The following USP25 variants were observed in gnomAD, a reference collection of about 807,000 sequenced individuals.
USP25 encodes ubiquitin carboxyl-terminal hydrolase 25.
In USP25, 85 loss-of-function variants were observed where a neutral mutation model predicts 158.5. The ratio of observed to expected loss-of-function variants is 0.54; its 90% CI spans 0.45 to 0.64. The LOEUF is 0.64. Among genes scored for constraint, USP25 ranks in the 30% least tolerant of loss-of-function variants. USP25 has a pLI of 0.00. For synonymous variants in USP25, 464 were observed against 460.4 expected (o/e 1.01, Z -0.10); for missense variants, 1,242 against 1,327.3 (o/e 0.94, Z 1.00).
chr21:15,878,217 G>C, intron 25 of USP25, 86 bp from the exon 26 acceptor site: 1 of 1,496,616 alleles, frequency 6.7e-7, no homozygotes, highest in Admixed American at 2.1e-5. Flanking sequence ...TTACCTATTA[G>C]AGTAAGTTAA....
At chr21:15,733,534 C>A (rs2031174247) in intron 1 of USP25, among the ~76,000 whole-genome samples, 1 of 152,042 alleles carries the variant, frequency 6.6e-6, no homozygotes, top group Non-Finnish European at 1.5e-5. Flanking sequence ...GAGTTCAAAA[C>A]CAGCCTGGGC....
Position 15,870,079 on chromosome 21 carries a change from G to A in USP25, c.2817G>A (p.Gln939=), listed in dbSNP as rs2039821437. The change falls in exon 23 of 26, where the codon CAG becomes CAA. Residue 939 remains glutamine, a synonymous_variant. Coordinates refer to ENST00000400183, the MANE Select transcript of USP25 (RefSeq NM_001283041.3). The part of the protein sequence containing the change: ...VNLEEYEEWH[Q]DYRKFRETTM... Reference sequence around the variant, plus strand: ...TCTTTCACCTACAGGAGTGGCATCAGGATTATAGGAAATTCAGGGAAACAA... The same window carrying A: ...TCTTTCACCTACAGGAGTGGCATCAAGATTATAGGAAATTCAGGGAAACAA... 6.2e-6 allele frequency: 10 copies of A among 1,608,226 alleles called. No individual in the cohort carries two copies. The highest frequency in any genetic ancestry group is 8.5e-6 in the Non-Finnish European group (10 of 1,177,256).
intron 1 of USP25, among the ~76,000 whole-genome samples, chr21:15,733,132 C>T (rs1393959613): frequency 6.6e-5 from 1 of 15,138 alleles, no homozygotes; most frequent in African/African-American, 1.3e-4. Context: ...CTCCACGGCG[C>T]CCCCCCCCCC....
intron 22 of USP25, among the ~76,000 whole-genome samples, chr21:15,869,377 T>A (rs141226029): frequency 6.6e-6 from 1 of 152,322 alleles, no homozygotes; most frequent in African/African-American, 2.4e-5. Flanking sequence ...TTCCAATTTA[T>A]CCTACATTGA....
chr21:15,819,833 C>G (rs1182630984), intron 10 of USP25, among the ~76,000 whole-genome samples: 2 of 150,168 alleles, frequency 1.3e-5, no homozygotes, highest in African/African-American at 5.0e-5. Flanking sequence ...TTTCCTGTTT[C>G]AAGTGCATAC....
At chr21:15,846,243 A>G (rs1160945688) in intron 18 of USP25, among the ~76,000 whole-genome samples, 1 of 139,248 alleles carries the variant, frequency 7.2e-6, no homozygotes, top group African/African-American at 2.7e-5. Context: ...GCTCTCTGCA[A>G]CCTCCGCCTC....
At chr21:15,795,616 C>T (rs568167283) in intron 5 of USP25, among the ~76,000 whole-genome samples, 4 of 151,426 alleles carry the variant, frequency 2.6e-5, no homozygotes, top group African/African-American at 9.7e-5. Flanking sequence ...CATGTTTTTA[C>T]TTAATCTTGC....
At chr21:15,859,349 C>G (rs916201397) in intron 20 of USP25, among the ~76,000 whole-genome samples, 5 of 151,880 alleles carry the variant, frequency 3.3e-5, no homozygotes, top group African/African-American at 1.2e-4. Flanking sequence ...CCCGCCACCA[C>G]GCCTGGCTAA....
At chr21:15,834,172 A>G (rs996491410) in intron 17 of USP25, among the ~76,000 whole-genome samples, 2 of 152,238 alleles carry the variant, frequency 1.3e-5, no homozygotes. Context: ...ATTATTCTGA[A>G]ATGAACTATT....
intron 24 of USP25, 142 bp downstream of exon 24, chr21:15,874,668 C>G (rs971239245): frequency 1.4e-6 from 1 of 716,964 alleles, no homozygotes; most frequent in Admixed American, 3.0e-5. Flanking sequence ...CTAGTCCCTT[C>G]AGATGGAAAA....
chr21:15,857,322 A>G (rs2039201185), intron 20 of USP25, among the ~76,000 whole-genome samples: 2 of 152,136 alleles, frequency 1.3e-5, no homozygotes, highest in Non-Finnish European at 2.9e-5. Flanking sequence ...ATTTTTGTGC[A>G]TATATTATTG....
At chr21:15,742,674 C>T (rs1455158367) in intron 1 of USP25, among the ~76,000 whole-genome samples, 1 of 152,194 alleles carries the variant, frequency 6.6e-6, no homozygotes, top group Non-Finnish European at 1.5e-5. Context: ...GGTCCACTAC[C>T]TGAGGTTTAA....
Position 15,826,644 on chromosome 21 carries a change from A to G in USP25, c.1466+279A>G, listed in dbSNP as rs1182403117. Among the ~76,000 whole-genome samples, 1 of 152,182 alleles carries G rather than the reference A, an allele frequency of 6.6e-6. No homozygotes were observed. The highest frequency in any genetic ancestry group is 2.4e-5 in the African/African-American group (1 of 41,450). Reference sequence around the variant, plus strand: ...GTACATATATAAGATTCAGCATTTTATGATCCATAAAAATAGTACTATCAA... The same window carrying G: ...GTACATATATAAGATTCAGCATTTTGTGATCCATAAAAATAGTACTATCAA... On this transcript the variant is annotated intron_variant, in intron 13 of 25. Coordinates refer to ENST00000400183, the MANE Select transcript of USP25 (RefSeq NM_001283041.3). The surrounding 1 kb of genome is among the most constrained non-coding windows in gnomAD (Gnocchi z 4.8).
At chr21:15,812,555 G>T (rs530826089) in intron 9 of USP25, among the ~76,000 whole-genome samples, 292 of 152,116 alleles carry the variant, frequency 1.9e-3, no homozygotes, top group African/African-American at 6.5e-3. Context: ...GGAGGCTGAG[G>T]CAGGAGAATG....
chr21:15,751,165 G>A (rs913115175), intron 1 of USP25, among the ~76,000 whole-genome samples: 13 of 152,096 alleles, frequency 8.5e-5, no homozygotes, highest in African/African-American at 3.1e-4. Context: ...CTGAGAGATT[G>A]GGTTCTTGTT....
intron 10 of USP25, 44 bp from the exon 11 acceptor site, chr21:15,823,994 CA>C (rs1306661303): frequency 6.3e-7 from 1 of 1,576,452 alleles, no homozygotes; most frequent in Non-Finnish European, 8.7e-7. Flanking sequence ...GTGAAGAAAA[CA>C]AAGGTGGTAT....
intron 3 of USP25, among the ~76,000 whole-genome samples, chr21:15,769,042 T>C (rs1393599447): frequency 6.6e-6 from 1 of 152,104 alleles, no homozygotes; most frequent in Non-Finnish European, 1.5e-5. Context: ...GGAATAAATT[T>C]TTTTTTTGCT....
At chr21:15,853,663 CAT>C (rs2035775104) in intron 20 of USP25, among the ~76,000 whole-genome samples, 1 of 152,084 alleles carries the variant, frequency 6.6e-6, no homozygotes, top group Non-Finnish European at 1.5e-5. Flanking sequence ...CTGTTTAACT[CAT>C]TAGCATTTTA....
chr21:15,830,374 T>C (rs2037736789), intron 14 of USP25, among the ~76,000 whole-genome samples, 157 bp from the exon 15 acceptor site: 1 of 152,152 alleles, frequency 6.6e-6, no homozygotes, highest in Non-Finnish European at 1.5e-5. Context: ...TAACTATAAT[T>C]CATTTTCTAC....
Sources: allele counts gnomAD v4.1 joint callset (sites outside exome capture counted in the v4.1 genomes callset), GRCh38; gene constraint gnomAD v4.1.1; non-coding constraint Gnocchi (gnomAD v3.1); transcripts MANE v1.5; gene names NCBI Gene and HGNC (gene_info 2026-07-23, HGNC 2026-07-21).